The following KIF16B variants were observed in gnomAD, a reference collection of about 807,000 sequenced individuals.
KIF16B encodes kinesin family member 16B.
In KIF16B, 98 loss-of-function variants were observed where a neutral mutation model predicts 156.3. The observed-to-expected ratio is 0.63, with a 90% CI of 0.53 to 0.74. KIF16B has a LOEUF of 0.74. Among genes scored for constraint, KIF16B ranks in the 30% least tolerant of loss-of-function variants. The pLI, the probability that KIF16B is intolerant of heterozygous loss-of-function variation, is 0.00. For missense variants in KIF16B, 1,421 were observed against 1,606.5 expected, an observed-to-expected ratio of 0.88 and a Z score of 1.97; for synonymous variants, 564 against 583.7, an observed-to-expected ratio of 0.97 and a Z score of 0.49.
chr20:16,395,649 T>C (rs56368069), intron 17 of KIF16B, among the ~76,000 whole-genome samples: 26,048 of 151,996 alleles, frequency 0.17, 2,474 homozygotes, highest in African/African-American at 0.26. Flanking sequence ...GTACAGCAAG[T>C]AGCTCAGCAC....
chr20:16,430,537 C>T (rs1330152750), intron 12 of KIF16B, among the ~76,000 whole-genome samples: 1 of 152,106 alleles, frequency 6.6e-6, no homozygotes, highest in Admixed American at 6.6e-5. Context: ...CGTCTTTTGG[C>T]CTTGCCTCTC....
At chr20:16,434,006 A>G (rs1295488096) in intron 12 of KIF16B, among the ~76,000 whole-genome samples, 1 of 152,174 alleles carries the variant, frequency 6.6e-6, no homozygotes, top group Non-Finnish European at 1.5e-5. Context: ...TAAAATATGT[A>G]TACTTGCATA....
chr20:16,494,407 TC>T, intron 11 of KIF16B, 57 bp from the exon 12 acceptor site: 2 of 1,187,686 alleles, frequency 1.7e-6, no homozygotes, highest in Non-Finnish European at 2.4e-6. Context: ...ATAATTTTCT[TC>T]TAGTTTCCGA....
chr20:16,547,676 C>T (rs973330801), intron 1 of KIF16B, among the ~76,000 whole-genome samples: 2 of 152,120 alleles, frequency 1.3e-5, no homozygotes, highest in Non-Finnish European at 2.9e-5. Context: ...TTCTGAGGAG[C>T]GCTGCAACTC....
intron 1 of KIF16B, among the ~76,000 whole-genome samples, chr20:16,567,350 T>C (rs1325365148): frequency 6.6e-6 from 1 of 152,180 alleles, no homozygotes; most frequent in African/African-American, 2.4e-5. Flanking sequence ...TTCCACCCTC[T>C]TATCTAAAGA....
intron 12 of KIF16B, among the ~76,000 whole-genome samples, chr20:16,430,662 T>A (rs1270260172): frequency 6.6e-6 from 1 of 152,066 alleles, no homozygotes; most frequent in Non-Finnish European, 1.5e-5. Flanking sequence ...ACTCCCTCTA[T>A]GAAGGTTATT....
chr20:16,371,281 C>T (rs1034913626), intron 21 of KIF16B, among the ~76,000 whole-genome samples: 3 of 152,166 alleles, frequency 2.0e-5, no homozygotes, highest in African/African-American at 7.2e-5. Flanking sequence ...AACTTATCTT[C>T]AAGGTCATCT....
Position 16,272,104 on chromosome 20 carries a change from T to C in KIF16B, c.*1149A>G, listed in dbSNP as rs2062994167. On this transcript the variant is annotated 3_prime_UTR_variant, in exon 26 of 26. Coordinates refer to ENST00000354981, the MANE Select transcript of KIF16B (RefSeq NM_024704.5). ...ACTTAAAATAAGCTGAGCTACAGGG[T>C]AGATGCCATAACTTCATTTAATATT... 6.6e-6 allele frequency: 1 copy of C among 152,588 alleles called. No homozygotes were observed. The highest frequency in any genetic ancestry group is 1.5e-5 in the Non-Finnish European group (1 of 68,024). The allele number at this position is 152,588 out of a possible 1,614,324, so 9.5% of individuals were successfully genotyped here.
intron 25 of KIF16B, among the ~76,000 whole-genome samples, chr20:16,305,996 G>A (rs570309737): frequency 7.9e-5 from 12 of 152,214 alleles, no homozygotes; most frequent in African/African-American, 2.9e-4. Context: ...TTCTGGATAA[G>A]AATTATTAAT....
At chr20:16,453,399 T>C (rs572804503) in intron 12 of KIF16B, among the ~76,000 whole-genome samples, 3 of 152,252 alleles carry the variant, frequency 2.0e-5, no homozygotes, top group South Asian at 4.1e-4. Flanking sequence ...AATTTCACTA[T>C]AAAAACTAAT....
chr20:16,440,533 G>GCGCGCA (rs1490804040), intron 12 of KIF16B, among the ~76,000 whole-genome samples: 4 of 138,252 alleles, frequency 2.9e-5, no homozygotes, highest in African/African-American at 8.0e-5. Flanking sequence ...ACAAGCGCGC[G>GCGCGCA]CACACACACA....
intron 1 of KIF16B, among the ~76,000 whole-genome samples, chr20:16,556,946 C>G (rs2070871171): frequency 6.6e-6 from 1 of 152,012 alleles, no homozygotes. Flanking sequence ...CCTGTGCTGT[C>G]CAATATGGCA....
At position 16,457,896 on chromosome 20, in the gene KIF16B, G is replaced by GA. The variant is rs376140256; in HGVS notation, c.1303-27915dup. The stretch of plus-strand genomic sequence containing the variant: ...AAAATCCCTTTTTCCTTTTTGAGAA[G>GA]AAAAAAAAAAAAATCTAACAAAACT... On this transcript the variant is annotated intron_variant, in intron 12 of 25. Transcript: ENST00000354981. Among the ~76,000 whole-genome samples the GA allele has an allele frequency of 2.7e-3, 380 of 138,470 alleles. 1 individual carries two copies. The highest frequency in any genetic ancestry group is 7.1e-3 in the African/African-American group (270 of 38,084). The allele number at this position is 138,470 out of a possible 152,430, so 90.8% of individuals were successfully genotyped here.
At position 16,544,314 on chromosome 20, in the gene KIF16B, A is replaced by G. The variant is rs114373565; in HGVS notation, c.48-15874T>C. Among the ~76,000 whole-genome samples, 1,134 of 152,174 alleles carry G rather than the reference A, an allele frequency of 7.5e-3. 11 individuals are homozygous for G. The highest frequency in any genetic ancestry group is 0.026 in the African/African-American group (1,090 of 41,512). On this transcript the variant is annotated intron_variant, in intron 1 of 25. Coordinates refer to ENST00000354981, the MANE Select transcript of KIF16B (RefSeq NM_024704.5). ...AAGTGACTTATCCTTCAAAGCCCAT[A>G]AAAATGCTTCCTCAGCCGGGCACTG...
intron 25 of KIF16B, among the ~76,000 whole-genome samples, chr20:16,285,973 G>A (rs2063216727): frequency 6.6e-6 from 1 of 152,196 alleles, no homozygotes; most frequent in African/African-American, 2.4e-5. Flanking sequence ...CTCTCCAGAA[G>A]TACATAGTTT....
intron 25 of KIF16B, among the ~76,000 whole-genome samples, chr20:16,291,389 T>C (rs1421651079): frequency 6.6e-6 from 1 of 152,238 alleles, no homozygotes; most frequent in Non-Finnish European, 1.5e-5. Flanking sequence ...AGGCAGCTGA[T>C]TAAACATGCG....
intron 1 of KIF16B, among the ~76,000 whole-genome samples, chr20:16,562,835 A>T (rs1049871931): frequency 2.0e-5 from 3 of 152,234 alleles, no homozygotes; most frequent in Non-Finnish European, 4.4e-5. Flanking sequence ...ACAGAACCTG[A>T]TCCTTCTTTG....
intron 12 of KIF16B, among the ~76,000 whole-genome samples, chr20:16,478,428 C>T (rs960065254): frequency 6.6e-6 from 1 of 152,170 alleles, no homozygotes; most frequent in African/African-American, 2.4e-5. Flanking sequence ...AATAGTCCCC[C>T]TTTATCCACG....
chr20:16,409,967 A>ACATATATATATATATATATGTAGG (rs780771433), intron 15 of KIF16B, among the ~76,000 whole-genome samples: 1 of 30,140 alleles, frequency 3.3e-5, no homozygotes, highest in Admixed American at 4.5e-4. Flanking sequence ...ATATATATAT[A>ACATATATATATATATATATGTAGG]TACATATATA....
Sources: gnomAD v4.1 joint callset for allele counts (sites outside exome capture counted in the v4.1 genomes callset) on GRCh38, gnomAD v4.1.1 for gene constraint, MANE v1.5 for transcripts, NCBI Gene and HGNC (gene_info 2026-07-23, HGNC 2026-07-21) for gene names.